The following FAM200A variants were observed in gnomAD, a reference collection of about 807,000 sequenced individuals.
FAM200A encodes the protein ZBED8 like, also known as protein FAM200A.
In FAM200A, 26 loss-of-function variants were observed where a neutral mutation model predicts 44.2. The ratio of observed to expected loss-of-function variants is 0.59; its 90% CI spans 0.43 to 0.82. The LOEUF (loss-of-function observed/expected upper bound fraction) is 0.82. Ranked by LOEUF, FAM200A falls within the 40% of genes least tolerant of loss-of-function variation. FAM200A has a pLI of 0.00. For missense variants in FAM200A, 606 were observed against 669.5 expected (o/e 0.91, Z 1.05); for synonymous variants, 206 against 244.4 (o/e 0.84, Z 1.47).
chr7:99,546,773 A>C lies in FAM200A; in HGVS notation c.1635T>G (p.Asn545Lys). ...RLKTKKRNRL[N>K]SAPDMRVALS... ...ATGCTACCCGCATATCTGGTGCACT[A>C]TTGAGCCTATTTCTCTTCTTTGTTT... Residue 545 changes from asparagine (N) to lysine (K), a missense_variant, in exon 2 of 2, where the codon AAT (asparagine) becomes AAG (lysine). By Grantham distance (94) the Asn-to-Lys change is moderately conservative (BLOSUM62 0). Transcript: ENST00000449309. 1 of 1,551,582 alleles carries C rather than the reference A, an allele frequency of 6.4e-7. No individual in the cohort carries two copies. Among genetic ancestry groups the C allele is most frequent in the Non-Finnish European group, 8.7e-7 (1 of 1,146,984 alleles).
upstream of FAM200A, among the ~76,000 whole-genome samples, chr7:99,553,006 C>CATATATATACACATATATATACATGTAT (rs530067229): frequency 2.5e-4 from 35 of 137,332 alleles, no homozygotes; most frequent in East Asian, 2.1e-3. Flanking sequence ...TATACACACA[C>CATATATATACACATATATATACATGTAT]ATATATATAC....
upstream of FAM200A, among the ~76,000 whole-genome samples, chr7:99,554,795 C>T (rs990052384): frequency 8.5e-5 from 13 of 152,178 alleles, no homozygotes; most frequent in African/African-American, 1.9e-4. Context: ...CTGGAAGATG[C>T]CAACATGCTG....
chr7:99,551,214 CAG>C (rs1292034810), intron 1 of FAM200A, among the ~76,000 whole-genome samples: 2 of 151,892 alleles, frequency 1.3e-5, no homozygotes, highest in East Asian at 1.9e-4. Context: ...GTTTTTGAGA[CAG>C]AGTCTCACTC....
At chr7:99,555,804 G>A (rs1334728903), upstream of FAM200A, among the ~76,000 whole-genome samples, 7 of 152,160 alleles carry the variant, frequency 4.6e-5, no homozygotes, top group Admixed American at 1.3e-4. Context: ...TACTAGGGAG[G>A]CTGAGGCAGG....
chr7:99,549,182 A>ATTTTTTTTTTTTTTTTGTTTT (rs1443044531), intron 1 of FAM200A, among the ~76,000 whole-genome samples: 1 of 138,092 alleles, frequency 7.2e-6, no homozygotes, highest in African/African-American at 2.8e-5. Context: ...TTTCTTAAAA[A>ATTTTTTTTTTTTTTTTGTTTT]TAAGAAATTA....
intron 1 of FAM200A, among the ~76,000 whole-genome samples, chr7:99,550,197 G>A (rs886321244): frequency 6.7e-6 from 1 of 150,220 alleles, no homozygotes; most frequent in East Asian, 2.0e-4. Context: ...TGCAACCTCC[G>A]CCTCCAGGGT....
At chr7:99,554,639 G>A (rs1802643100), upstream of FAM200A, among the ~76,000 whole-genome samples, 1 of 152,100 alleles carries the variant, frequency 6.6e-6, no homozygotes, top group Admixed American at 6.5e-5. Context: ...CACTGCCTAG[G>A]AGTCAATGCA....
At position 99,549,182 on chromosome 7, in the gene FAM200A, A is replaced by ATTTTTTTTTTTTTTTTTTTTTTT. The variant is rs1443044531; in HGVS notation, c.-99-677_-99-676insAAAAAAAAAAAAAAAAAAAAAAA. Among the ~76,000 whole-genome samples, 60 of 138,138 alleles carry ATTTTTTTTTTTTTTTTTTTTTTT rather than the reference A, an allele frequency of 4.3e-4. 2 individuals carry two copies. Among genetic ancestry groups the ATTTTTTTTTTTTTTTTTTTTTTT allele is most frequent in the East Asian group, 1.8e-3 (6 of 3,270 alleles). 90.6% of individuals were successfully genotyped at this position (138,138 alleles called of 152,430 possible). On this transcript the variant is annotated intron_variant, in intron 1 of 1. Transcript: ENST00000449309. ...AAATGAGAACTTGTATTTCTTAAAA[A>ATTTTTTTTTTTTTTTTTTTTTTT]TAAGAAATTAAGCTGCATAATTATT...
At chr7:99,550,361 G>A (rs960395450) in intron 1 of FAM200A, among the ~76,000 whole-genome samples, 15 of 152,000 alleles carry the variant, frequency 9.9e-5, no homozygotes, top group Non-Finnish European at 1.0e-4. Flanking sequence ...CACCCACCTC[G>A]GCCTCCCAAA....
At position 99,546,766 on chromosome 7, in the gene FAM200A, G is replaced by C. The variant is rs905738977; in HGVS notation, c.1642C>G (p.Pro548Ala). 18 of 1,551,208 alleles carry C rather than the reference G, an allele frequency of 1.2e-5. No homozygotes were observed. In the South Asian group the frequency reaches 2.0e-4, roughly 17 times the overall value. Reference sequence around the variant, plus strand: ...GAAGATAATGCTACCCGCATATCTGGTGCACTATTGAGCCTATTTCTCTTC... The same window carrying C: ...GAAGATAATGCTACCCGCATATCTGCTGCACTATTGAGCCTATTTCTCTTC... ...TKKRNRLNSA[P>A]DMRVALSSCV... Residue 548 changes from proline to alanine, a missense_variant, in exon 2 of 2, where the codon CCA (proline) becomes GCA (alanine). Physicochemically the swap from Pro to Ala is conservative, Grantham distance 27 (BLOSUM62 -1). Coordinates refer to ENST00000449309, the MANE Select transcript of FAM200A (RefSeq NM_145111.4).
At chr7:99,552,458 G>A (rs925374382), upstream of FAM200A, among the ~76,000 whole-genome samples, 1 of 152,192 alleles carries the variant, frequency 6.6e-6, no homozygotes, top group African/African-American at 2.4e-5. Flanking sequence ...ACAAATCGAA[G>A]GGATTGTCTC....
upstream of FAM200A, among the ~76,000 whole-genome samples, chr7:99,555,854 C>T (rs1802665864): frequency 6.6e-6 from 1 of 151,940 alleles, no homozygotes; most frequent in South Asian, 2.1e-4. Flanking sequence ...TGCAGTGAGC[C>T]GAGATCACGG....
chr7:99,549,643 C>T (rs1051538941), intron 1 of FAM200A, among the ~76,000 whole-genome samples: 8 of 152,138 alleles, frequency 5.3e-5, no homozygotes, highest in Non-Finnish European at 1.2e-4. Context: ...AGACTTGGAA[C>T]CAACCCAAAC....
chr7:99,550,118 CT>C (rs543457885), intron 1 of FAM200A, among the ~76,000 whole-genome samples: 51 of 148,316 alleles, frequency 3.4e-4, no homozygotes, highest in African/African-American at 8.9e-4. Flanking sequence ...GAACCCCCCC[CT>C]TTTTTTTTTG....
intron 1 of FAM200A, 81 bp from the exon 2 acceptor site, chr7:99,548,587 C>T: frequency 8.5e-7 from 1 of 1,176,046 alleles, no homozygotes; most frequent in South Asian, 1.7e-5. Context: ...AAACAATTCA[C>T]TAAATCTAGT....
chr7:99,555,537 T>C (rs904819333), upstream of FAM200A, among the ~76,000 whole-genome samples: 5 of 152,196 alleles, frequency 3.3e-5, no homozygotes, highest in African/African-American at 1.2e-4. Context: ...ATCAAGGATA[T>C]TTCTGGAACC....
chr7:99,549,177 TAAAAATAAGAAA>T (rs1802470242), intron 1 of FAM200A, among the ~76,000 whole-genome samples: 4 of 147,724 alleles, frequency 2.7e-5, no homozygotes, highest in East Asian at 4.3e-4. Context: ...TTGTATTTCT[TAAAAATAAGAAA>T]TTAAGCTGCA....
In FAM200A at chr7:99,548,370, G is replaced by A. The variant is rs577966762; in HGVS notation, c.38C>T (p.Pro13Leu). 140 of 1,613,942 alleles carry A rather than the reference G, an allele frequency of 8.7e-5. 1 individual carries two copies. The South Asian group carries it at 1.5e-3, about 17-fold the overall frequency. Reference sequence around the variant, plus strand: ...GCCTTCCATCTCCTGGGTACCCCCTGGAGACAAATCTGTAGTATCCCTTGA... The same window carrying A: ...GCCTTCCATCTCCTGGGTACCCCCTAGAGACAAATCTGTAGTATCCCTTGA... ...PESRDTTDLS[P>L]GGTQEMEGIV... Residue 13 changes from proline (P) to leucine (L), a missense_variant, in exon 2 of 2, where the codon CCA becomes CTA. By Grantham distance (98) the Pro-to-Leu change is moderately conservative. Coordinates refer to ENST00000449309, the MANE Select transcript of FAM200A (RefSeq NM_145111.4).
At chr7:99,558,036 C>T (rs1802756236) in intron 1 of FAM200A, among the ~76,000 whole-genome samples, 1 of 152,194 alleles carries the variant, frequency 6.6e-6, no homozygotes, top group Non-Finnish European at 1.5e-5. Flanking sequence ...AGATTTTAGT[C>T]TTCCCACCAG....
Sources: allele counts gnomAD v4.1 joint callset (sites outside exome capture counted in the v4.1 genomes callset), GRCh38; gene constraint gnomAD v4.1.1; transcripts MANE v1.5; gene names NCBI Gene and HGNC (gene_info 2026-07-23, HGNC 2026-07-21).